Variants in DLG2 observed in about 807,000 individuals in gnomAD.
The protein encoded by DLG2 is disks large homolog 2.
A neutral mutation model predicts 132.5 loss-of-function variants in DLG2; 45 were observed. The observed-to-expected ratio is 0.34, with a 90% CI of 0.27 to 0.44. The LOEUF (loss-of-function observed/expected upper bound fraction) is 0.44, where lower values mean the gene tolerates loss of function less well. Ranked by LOEUF, DLG2 falls within the 20% of genes least tolerant of loss-of-function variation. The probability of loss-of-function intolerance (pLI) is 1.00; values close to 1 mark genes in which losing one functional copy is unlikely to be tolerated. For missense variants in DLG2, 1,045 were observed against 1,196.9 expected, an observed-to-expected ratio of 0.87 and a Z score of 1.87; for synonymous variants, 424 against 419.6, an observed-to-expected ratio of 1.01 and a Z score of -0.13.
At chr11:83,511,056 T>C in intron 21 of DLG2, among the ~76,000 whole-genome samples, 1 of 126,744 alleles carries the variant, frequency 7.9e-6, no homozygotes, top group African/African-American at 2.8e-5. Context: ...CCTCTCTGTC[T>C]TCCTCTCACT....
At chr11:83,465,663 T>C (rs2090892471) in intron 26 of DLG2, among the ~76,000 whole-genome samples, 1 of 152,228 alleles carries the variant, frequency 6.6e-6, no homozygotes, top group South Asian at 2.1e-4. Context: ...TAATAATAGG[T>C]ATTATTTATT....
At chr11:83,512,346 T>A (rs1592185551) in intron 21 of DLG2, among the ~76,000 whole-genome samples, 1 of 152,266 alleles carries the variant, frequency 6.6e-6, no homozygotes, top group East Asian at 1.9e-4. Context: ...CTGGCTTGGA[T>A]TGTGAGGAAC....
chr11:85,126,647 C>G (rs182540528), intron 5 of DLG2, among the ~76,000 whole-genome samples: 4 of 151,940 alleles, frequency 2.6e-5, no homozygotes, highest in African/African-American at 4.8e-5. Context: ...ATCTCCCCCA[C>G]GTAGACATGC....
chr11:84,926,569 C>T (rs186043300), intron 6 of DLG2, among the ~76,000 whole-genome samples: 5 of 151,954 alleles, frequency 3.3e-5, no homozygotes, highest in Admixed American at 6.6e-5. Context: ...TATTTACATA[C>T]ACTTGTAGGG....
At chr11:84,062,509 TTTAAA>T in intron 10 of DLG2, among the ~76,000 whole-genome samples, 1 of 152,278 alleles carries the variant, frequency 6.6e-6, no homozygotes, top group East Asian at 1.9e-4. Context: ...AGAATGGAAA[TTTAAA>T]CTTTTAAAGG....
intron 21 of DLG2, among the ~76,000 whole-genome samples, chr11:83,528,638 G>C (rs989304762): frequency 1.3e-5 from 2 of 152,102 alleles, no homozygotes; most frequent in African/African-American, 2.4e-5. Flanking sequence ...TAGAGTAATG[G>C]AAAGGGCAGG....
intron 3 of DLG2, among the ~76,000 whole-genome samples, chr11:85,579,704 T>G (rs534696493): frequency 1.3e-5 from 2 of 151,950 alleles, no homozygotes; most frequent in East Asian, 3.9e-4. Context: ...CTTTTTTTTT[T>G]GAGACAGAGT....
intron 6 of DLG2, among the ~76,000 whole-genome samples, chr11:84,931,169 A>T (rs1003852157): frequency 4.6e-5 from 7 of 151,780 alleles, no homozygotes; most frequent in East Asian, 3.9e-4. Flanking sequence ...ATTTTTTTTT[A>T]ATTTTAAGTT....
intron 6 of DLG2, among the ~76,000 whole-genome samples, chr11:84,900,139 G>C (rs1054558241): frequency 6.6e-6 from 1 of 152,032 alleles, no homozygotes; most frequent in Admixed American, 6.6e-5. Flanking sequence ...TTTGATTAAT[G>C]ATTTGAATAT....
intron 6 of DLG2, among the ~76,000 whole-genome samples, chr11:85,085,999 C>G (rs1236422087): frequency 2.6e-5 from 4 of 152,136 alleles, no homozygotes; most frequent in African/African-American, 7.2e-5. Context: ...TGAGTATTCT[C>G]TAGTTCATAA....
At chr11:85,303,826 A>G (rs925446538) in intron 3 of DLG2, among the ~76,000 whole-genome samples, 3 of 152,200 alleles carry the variant, frequency 2.0e-5, no homozygotes, top group African/African-American at 7.2e-5. Flanking sequence ...GAGGAAATCC[A>G]AGACCCTGTT....
intron 3 of DLG2, among the ~76,000 whole-genome samples, chr11:85,470,009 C>G (rs1597628689): frequency 6.6e-6 from 1 of 152,128 alleles, no homozygotes; most frequent in Admixed American, 6.5e-5. Context: ...GCCTACCTTT[C>G]TACTTCCTCT....
chr11:84,983,411 C>G (rs2056045864), intron 6 of DLG2, among the ~76,000 whole-genome samples: 1 of 152,066 alleles, frequency 6.6e-6, no homozygotes, highest in Non-Finnish European at 1.5e-5. Context: ...CAGTTCGGCT[C>G]TCAGGAAGCC....
At chr11:85,043,251 C>T (rs995582088) in intron 6 of DLG2, among the ~76,000 whole-genome samples, 5 of 151,736 alleles carry the variant, frequency 3.3e-5, no homozygotes, top group African/African-American at 1.2e-4. Context: ...AGAGAGTTCC[C>T]AAGCTGAAAT....
intron 19 of DLG2, among the ~76,000 whole-genome samples, chr11:83,587,891 G>A (rs1171305894): frequency 6.6e-6 from 1 of 152,140 alleles, no homozygotes; most frequent in African/African-American, 2.4e-5. Flanking sequence ...GACGGCACCT[G>A]GAAAATCAGG....
intron 17 of DLG2, among the ~76,000 whole-genome samples, chr11:83,802,574 C>T (rs2044724082): frequency 6.6e-6 from 1 of 151,996 alleles, no homozygotes; most frequent in African/African-American, 2.4e-5. Context: ...TTCTGGGTTT[C>T]AGGTATTAAA....
chr11:84,796,078 G>A (rs753788738), intron 6 of DLG2, among the ~76,000 whole-genome samples: 98 of 152,166 alleles, frequency 6.4e-4, no homozygotes, highest in Non-Finnish European at 1.1e-3. Context: ...GCAAAACTTG[G>A]GCAAAGGTAC....
intron 6 of DLG2, among the ~76,000 whole-genome samples, chr11:84,609,433 G>C (rs1177324039): frequency 6.6e-6 from 1 of 152,064 alleles, no homozygotes; most frequent in African/African-American, 2.4e-5. Flanking sequence ...TACAAAAGAA[G>C]CACCGTAATT....
chr11:84,355,807 G>A (rs1015216228), intron 7 of DLG2, among the ~76,000 whole-genome samples: 1 of 152,062 alleles, frequency 6.6e-6, no homozygotes, highest in African/African-American at 2.4e-5. Flanking sequence ...AGATTAGAAG[G>A]GTTAGTGTAT....
Sources: allele counts gnomAD v4.1 joint callset (sites outside exome capture counted in the v4.1 genomes callset), GRCh38; gene constraint gnomAD v4.1.1; transcripts MANE v1.5; gene names NCBI Gene and HGNC (gene_info 2026-07-23, HGNC 2026-07-21).